Variants in CFTR observed in about 807,000 individuals in gnomAD.
CFTR encodes CF transmembrane conductance regulator.
A neutral mutation model predicts 171.6 loss-of-function variants in CFTR; 181 were observed. The ratio of observed to expected loss-of-function variants is 1.05; its 90% CI spans 0.93 to 1.19. CFTR has a LOEUF of 1.19. CFTR is among the 50% of genes most tolerant of loss of function. The pLI is 0.00. For missense variants in CFTR, 1,968 were observed against 1,734.7 expected (o/e 1.13, Z -2.39); for synonymous variants, 583 against 608.0 (o/e 0.96, Z 0.60).
chr7:117,499,671 G>T (rs190062033), intron 1 of CFTR, among the ~76,000 whole-genome samples: 1 of 151,538 alleles, frequency 6.6e-6, no homozygotes, highest in African/African-American at 2.4e-5. Context: ...GTCAGAACTA[G>T]GCTGGGTGTG....
At position 117,550,665 on chromosome 7, in the gene CFTR, C is replaced by A. The variant is rs530850305; in HGVS notation, c.1392+1842C>A. Reference sequence around the variant, plus strand: ...TTAATTCTGCGTATGTCTTCAAGATCAATTCTATGATAGATGTGCAAAAAT... The same window carrying A: ...TTAATTCTGCGTATGTCTTCAAGATAAATTCTATGATAGATGTGCAAAAAT... On this transcript the variant is annotated intron_variant, in intron 10 of 26. Transcript: ENST00000003084. Among the ~76,000 whole-genome samples, 8 of 152,106 alleles carry A rather than the reference C, an allele frequency of 5.3e-5. No homozygotes were observed. In the South Asian group the frequency reaches 1.7e-3, roughly 32 times the overall value.
intron 21 of CFTR, 71 bp from the exon 22 acceptor site, chr7:117,627,451 A>C: frequency 1.3e-6 from 2 of 1,514,610 alleles, no homozygotes; most frequent in Non-Finnish European, 9.1e-7. Context: ...GTTATTTTTT[A>C]GGAAGCATCA....
At position 117,614,340 on chromosome 7, in the gene CFTR, C is replaced by T. The variant is rs34732112; in HGVS notation, c.3368-273C>T. On this transcript the variant is annotated intron_variant, in intron 20 of 26. Coordinates refer to ENST00000003084, the MANE Select transcript of CFTR (RefSeq NM_000492.4). ...TGGTACCTACCCATTACCAACAACACCTCCAATACCAGTAACATTTTTTAA... is the reference window on the plus strand; with the variant it reads ...TGGTACCTACCCATTACCAACAACATCTCCAATACCAGTAACATTTTTTAA... Among the ~76,000 whole-genome samples, 1,086 of 152,158 alleles carry T rather than the reference C, an allele frequency of 7.1e-3. 9 individuals carry two copies. The highest frequency in any genetic ancestry group is 0.024 in the African/African-American group (1,011 of 41,530).
At chr7:117,514,402 C>A (rs1368176558) in intron 3 of CFTR, among the ~76,000 whole-genome samples, 1 of 152,068 alleles carries the variant, frequency 6.6e-6, no homozygotes, top group Non-Finnish European at 1.5e-5. Context: ...AGTGAGAACA[C>A]ATGGTGTTTG....
chr7:117,574,542 C>T (rs977767138), intron 11 of CFTR, among the ~76,000 whole-genome samples: 7 of 152,150 alleles, frequency 4.6e-5, no homozygotes, highest in African/African-American at 9.6e-5. Context: ...TTTATTTTCA[C>T]ACTTTTAAAG....
At chr7:117,542,131 T>C (rs924597300) in intron 9 of CFTR, 23 bp downstream of exon 9, 1 of 1,217,954 alleles carries the variant, frequency 8.2e-7, no homozygotes, top group Admixed American at 1.7e-5. Context: ...AAAAAATTGT[T>C]TGCTCTAAAC....
chr7:117,592,295 A>T lies in CFTR; in HGVS notation c.2128A>T (p.Lys710Ter), dbSNP rs75115087. ...TCTCAATCCAATCAACTCTATACGA[A>T]AATTTTCCATTGTGCAAAAGACTCC... is the stretch of plus-strand genomic sequence containing the variant. ...SILNPINSIR[K>*]FSIVQKTPLQ... The change falls in exon 14 of 27, where the codon AAA (lysine) becomes TAA (stop). Residue 710 changes from lysine to a stop codon, truncating the protein, a stop_gained. Coordinates refer to ENST00000003084, the MANE Select transcript of CFTR (RefSeq NM_000492.4). LOFTEE classifies it high-confidence loss of function. 5 of 1,614,146 alleles carry T rather than the reference A, an allele frequency of 3.1e-6. No homozygotes were observed. Among genetic ancestry groups the T allele is most frequent in the Non-Finnish European group, 4.2e-6 (5 of 1,180,036 alleles).
chr7:117,582,713 G>T (rs1263202547), intron 11 of CFTR, among the ~76,000 whole-genome samples: 1 of 152,120 alleles, frequency 6.6e-6, no homozygotes, highest in Non-Finnish European at 1.5e-5. Flanking sequence ...GTAGCTTGTG[G>T]TTATAATTGA....
intron 23 of CFTR, among the ~76,000 whole-genome samples, chr7:117,643,163 C>A (rs1374128133): frequency 6.6e-6 from 1 of 151,958 alleles, no homozygotes; most frequent in Non-Finnish European, 1.5e-5. Flanking sequence ...TGTGTAAGAG[C>A]ACTTCTTGTA....
chr7:117,655,920 A>T (rs1793176349), intron 24 of CFTR, among the ~76,000 whole-genome samples: 1 of 152,064 alleles, frequency 6.6e-6, no homozygotes, highest in Admixed American at 6.6e-5. Flanking sequence ...TGTCTTTTAT[A>T]AGGGCAGTAA....
chr7:117,569,357 C>T (rs189118810), intron 11 of CFTR, among the ~76,000 whole-genome samples: 9 of 152,196 alleles, frequency 5.9e-5, no homozygotes, highest in South Asian at 4.1e-4. Context: ...TAATGGTATC[C>T]GCTTTGGAGA....
intron 11 of CFTR, among the ~76,000 whole-genome samples, chr7:117,566,918 G>C (rs1050398563): frequency 6.6e-6 from 1 of 152,158 alleles, no homozygotes; most frequent in African/African-American, 2.4e-5. Context: ...TAACAAATGA[G>C]AGTTCTTATG....
intron 10 of CFTR, among the ~76,000 whole-genome samples, chr7:117,550,329 CAAA>C (rs374964774): frequency 7.4e-6 from 1 of 135,334 alleles, no homozygotes. Context: ...GTGATAGGCT[CAAA>C]AAAAAAAAAA....
chr7:117,635,276 G>A (rs1792808911), intron 22 of CFTR, among the ~76,000 whole-genome samples: 1 of 151,960 alleles, frequency 6.6e-6, no homozygotes, highest in African/African-American at 2.4e-5. Context: ...CTTTTGGTTG[G>A]TGTTAAAATG....
At chr7:117,604,236 G>C (rs931785076) in intron 17 of CFTR, among the ~76,000 whole-genome samples, 1 of 152,076 alleles carries the variant, frequency 6.6e-6, no homozygotes, top group Admixed American at 6.6e-5. Flanking sequence ...AAAGTTATAT[G>C]GTAGGGGGAT....
chr7:117,628,759 A>G (rs954882207), intron 22 of CFTR, among the ~76,000 whole-genome samples: 6 of 152,140 alleles, frequency 3.9e-5, no homozygotes, highest in Admixed American at 1.3e-4. Flanking sequence ...GTGAAAACAT[A>G]TATATAGGAT....
intron 15 of CFTR, among the ~76,000 whole-genome samples, chr7:117,598,048 G>A (rs1396127952): frequency 6.6e-6 from 1 of 152,206 alleles, no homozygotes; most frequent in Non-Finnish European, 1.5e-5. Context: ...CTGTCACTCA[G>A]CACCAGCTAA....
chr7:117,611,874 C>T, intron 20 of CFTR, 66 bp downstream of exon 20: 1 of 1,072,506 alleles, frequency 9.3e-7, no homozygotes, highest in Non-Finnish European at 1.4e-6. Context: ...TAAAATGCTG[C>T]ATTCTATAGG....
chr7:117,561,441 C>T (rs892944929), intron 11 of CFTR, among the ~76,000 whole-genome samples: 5 of 152,014 alleles, frequency 3.3e-5, no homozygotes, highest in Admixed American at 2.0e-4. Context: ...AATCCTGTGC[C>T]TATTAGCATC....
Sources: gnomAD v4.1 joint callset for allele counts (sites outside exome capture counted in the v4.1 genomes callset) on GRCh38, gnomAD v4.1.1 for gene constraint, MANE v1.5 for transcripts, NCBI Gene and HGNC (gene_info 2026-07-23, HGNC 2026-07-21) for gene names.